EVI5: variants seen among roughly 807,000 people sequenced by gnomAD.
EVI5 encodes ecotropic viral integration site 5 protein homolog.
EVI5 carries 73 observed loss-of-function variants against 112.0 expected under a neutral mutation model. The observed-to-expected ratio is 0.65, with a 90% CI of 0.54 to 0.79. EVI5 has a LOEUF of 0.79. EVI5 is among the 30% of genes least tolerant of loss of function. The pLI, the probability that EVI5 is intolerant of heterozygous loss-of-function variation, is 0.00. For missense variants in EVI5, 900 were observed against 968.8 expected, an observed-to-expected ratio of 0.93 and a Z score of 0.94; for synonymous variants, 305 against 319.9, an observed-to-expected ratio of 0.95 and a Z score of 0.50.
At chr1:92,595,530 C>T (rs558490509) in intron 18 of EVI5, among the ~76,000 whole-genome samples, 2 of 152,104 alleles carry the variant, frequency 1.3e-5, no homozygotes, top group African/African-American at 4.8e-5. Context: ...CAAACCTGCA[C>T]GTTGTGCACA....
intron 13 of EVI5, among the ~76,000 whole-genome samples, chr1:92,651,790 G>T (rs1318877215): frequency 1.4e-5 from 2 of 143,636 alleles, no homozygotes; most frequent in Non-Finnish European, 3.0e-5. Context: ...GGCGGAGCTT[G>T]CAGTGAGCCG....
At chr1:92,743,151 G>C (rs1039907916) in intron 1 of EVI5, among the ~76,000 whole-genome samples, 12 of 152,278 alleles carry the variant, frequency 7.9e-5, no homozygotes, top group African/African-American at 2.4e-4. Context: ...TCAGGAGTTC[G>C]AGACCAGTTT....
chr1:92,704,594 T>C lies in EVI5; in HGVS notation c.300A>G (p.Glu100=), dbSNP rs144802688. The change falls in exon 3 of 20, where the codon GAA becomes GAG. Residue 100 remains glutamate (E), a synonymous_variant. Transcript: ENST00000684568. ...SWILWGRIVN[E]WEDVRKKKEK... ...CCTTCTTTTTGCGTACATCTTCCCA[T>C]TCATTAACAATTCTTCCCCAAAGAA... 1.2e-4 allele frequency: 184 copies of C among 1,590,544 alleles called. 1 individual carries two copies. The African/African-American group carries it at 2.4e-3, about 20-fold the overall frequency.
At chr1:92,735,933 G>A (rs183863467) in intron 2 of EVI5, among the ~76,000 whole-genome samples, 12 of 149,414 alleles carry the variant, frequency 8.0e-5, no homozygotes, top group African/African-American at 2.4e-4. Flanking sequence ...AACGGAGTCC[G>A]GAATATGCAT....
In EVI5 at chr1:92,627,020, T is replaced by C. The variant is rs1167823405; in HGVS notation, c.1528-1086A>G. On this transcript the variant is annotated intron_variant, in intron 14 of 19. Transcript: ENST00000684568. ...GATTCATGGATACAAGGTTTATTTA[T>C]ATTTTTCCGTAAGTTATTGGGGTAC... Among the ~76,000 whole-genome samples, 4 of 152,218 alleles carry C rather than the reference T, an allele frequency of 2.6e-5. No individual in the cohort carries two copies. In the East Asian group the frequency reaches 5.8e-4, roughly 22 times the overall value.
At chr1:92,777,588 T>C (rs370664376) in intron 1 of EVI5, among the ~76,000 whole-genome samples, 2 of 152,170 alleles carry the variant, frequency 1.3e-5, no homozygotes, top group African/African-American at 4.8e-5. Flanking sequence ...CCTGACACTC[T>C]TTTCAGACAA....
At chr1:92,759,850 C>A in intron 1 of EVI5, among the ~76,000 whole-genome samples, 1 of 136,680 alleles carries the variant, frequency 7.3e-6, no homozygotes, top group East Asian at 2.0e-4. Context: ...CATACATATA[C>A]AAATACCCTC....
intron 19 of EVI5, among the ~76,000 whole-genome samples, chr1:92,548,437 C>T (rs1476349680): frequency 1.3e-5 from 2 of 152,160 alleles, no homozygotes; most frequent in Non-Finnish European, 2.9e-5. Context: ...AAAACTGGCA[C>T]AAGACAGGGA....
At chr1:92,723,691 T>C (rs942052331) in intron 2 of EVI5, among the ~76,000 whole-genome samples, 2 of 152,182 alleles carry the variant, frequency 1.3e-5, no homozygotes, top group African/African-American at 4.8e-5. Flanking sequence ...AAGAACAGAA[T>C]AACAGCGATT....
At chr1:92,710,755 G>A (rs1004767576) in intron 2 of EVI5, among the ~76,000 whole-genome samples, 6 of 1,772 alleles carry the variant, frequency 3.4e-3, no homozygotes, top group African/African-American at 8.7e-3. Flanking sequence ...ATTGGGGTTG[G>A]GGGGGGGGTG....
intron 19 of EVI5, among the ~76,000 whole-genome samples, chr1:92,541,714 ATATC>A (rs1664841416): frequency 6.6e-6 from 1 of 152,254 alleles, no homozygotes; most frequent in Non-Finnish European, 1.5e-5. Flanking sequence ...AATAAAGCAA[ATATC>A]TATCAACTGA....
chr1:92,573,615 G>A (rs963300390), intron 18 of EVI5, among the ~76,000 whole-genome samples: 2 of 151,958 alleles, frequency 1.3e-5, no homozygotes, highest in African/African-American at 4.8e-5. Context: ...CAAAAATAGA[G>A]GAAAACTGTC....
At chr1:92,766,943 G>T (rs532979826) in intron 1 of EVI5, among the ~76,000 whole-genome samples, 1 of 152,078 alleles carries the variant, frequency 6.6e-6, no homozygotes, top group East Asian at 1.9e-4. Flanking sequence ...TTAGCTGGGC[G>T]TGGTGGCACA....
rs539174755 is a variant in EVI5, at chr1:92,639,344, T to C, written c.1393-3008A>G. 8.6e-5 allele frequency among the ~76,000 whole-genome samples: 13 copies of C among 152,018 alleles called. No individual in the cohort carries two copies. In the East Asian group the frequency reaches 2.5e-3, roughly 29 times the overall value. ...AAAAATCTTCAATATTTGAAGGAAA[T>C]AGGAGTAATACAGTAAAAAGTAAAT... On this transcript the variant is annotated intron_variant, in intron 13 of 19. Transcript: ENST00000684568.
At chr1:92,786,609 G>A (rs1210567833), upstream of EVI5, among the ~76,000 whole-genome samples, 1 of 152,160 alleles carries the variant, frequency 6.6e-6, no homozygotes, top group East Asian at 1.9e-4. Context: ...GGGGGTGGAG[G>A]GATTACTGAC....
At chr1:92,580,953 A>C (rs1247027286) in intron 18 of EVI5, 1 of 152,182 alleles carries the variant, frequency 6.6e-6, no homozygotes, top group Non-Finnish European at 1.5e-5. Context: ...CTTATCCTTG[A>C]ATTACCTTTC....
At chr1:92,598,994 A>G (rs1349727086) in intron 18 of EVI5, among the ~76,000 whole-genome samples, 2 of 151,974 alleles carry the variant, frequency 1.3e-5, no homozygotes, top group Non-Finnish European at 2.9e-5. Context: ...AGTTCTAAGT[A>G]GACTGAATAA....
upstream of EVI5, among the ~76,000 whole-genome samples, chr1:92,789,702 G>T (rs1685944285): frequency 2.0e-5 from 3 of 152,280 alleles, no homozygotes; most frequent in South Asian, 6.2e-4. Flanking sequence ...CTGTCTGGGA[G>T]GGGAACCCCT....
At chr1:92,647,953 C>A (rs762433285) in intron 13 of EVI5, among the ~76,000 whole-genome samples, 37 of 151,020 alleles carry the variant, frequency 2.5e-4, no homozygotes, top group Non-Finnish European at 2.5e-4. Context: ...CCATGTTGGC[C>A]AAGCTGGTCT....
Sources: allele counts gnomAD v4.1 joint callset (sites outside exome capture counted in the v4.1 genomes callset), GRCh38; gene constraint gnomAD v4.1.1; transcripts MANE v1.5; gene names NCBI Gene and HGNC (gene_info 2026-07-23, HGNC 2026-07-21).